ADGRL4: variants seen among roughly 807,000 people sequenced by gnomAD.
ADGRL4 encodes adhesion G protein-coupled receptor L4.
ADGRL4 carries 90 observed loss-of-function variants against 74.8 expected under a neutral mutation model. The observed-to-expected ratio is 1.20, with a 90% CI of 1.02 to 1.43. ADGRL4 has a LOEUF of 1.43. Ranked by LOEUF, ADGRL4 falls within the 40% of genes most tolerant of loss-of-function variation. ADGRL4 has a pLI of 0.00. For synonymous variants in ADGRL4, 311 were observed against 279.2 expected, an observed-to-expected ratio of 1.11 and a Z score of -1.14; for missense variants, 881 against 814.3, an observed-to-expected ratio of 1.08 and a Z score of -1.00.
chr1:78,960,263 T>G (rs1649923194), intron 2 of ADGRL4, among the ~76,000 whole-genome samples: 1 of 152,168 alleles, frequency 6.6e-6, no homozygotes, highest in Admixed American at 6.6e-5. Flanking sequence ...CAAAAACTAG[T>G]CCGATTTTAA....
intron 12 of ADGRL4, among the ~76,000 whole-genome samples, chr1:78,900,452 T>A (rs931300307): frequency 6.6e-5 from 10 of 152,126 alleles, no homozygotes; most frequent in Admixed American, 5.9e-4. Context: ...AATAGAAATC[T>A]AATATAGGGA....
rs1168655175 is a variant in ADGRL4, at chr1:78,939,230, A to G, written c.354T>C (p.Asp118=). The G allele has an allele frequency of 1.5e-5, 23 of 1,568,478 alleles. No individual in the cohort carries two copies. Among genetic ancestry groups the G allele is most frequent in the Non-Finnish European group, 1.9e-5 (22 of 1,159,826 alleles). The change falls in exon 4 of 15, where the codon GAT becomes GAC. Residue 118 remains aspartate, a synonymous_variant. Transcript: ENST00000370742. ...IENVNANCHL[D]NVCIAANINK... Reference sequence around the variant, plus strand: ...TAATATTTGCAGCTATACAGACATTATCTAAATGGCAGTTTGCATTCACAT... The same window carrying G: ...TAATATTTGCAGCTATACAGACATTGTCTAAATGGCAGTTTGCATTCACAT...
At chr1:78,940,125 C>T (rs1376567760) in intron 3 of ADGRL4, among the ~76,000 whole-genome samples, 1 of 151,940 alleles carries the variant, frequency 6.6e-6, no homozygotes, top group African/African-American at 2.4e-5. Flanking sequence ...AACAAAGACC[C>T]AATTTAAGAA....
intron 7 of ADGRL4, among the ~76,000 whole-genome samples, chr1:78,931,805 T>G (rs1649247897): frequency 6.6e-6 from 1 of 151,132 alleles, no homozygotes; most frequent in African/African-American, 2.5e-5. Flanking sequence ...AAACAGACTT[T>G]AAACCAATAA....
chr1:78,932,619 A>AC (rs1187412295), intron 7 of ADGRL4, among the ~76,000 whole-genome samples: 14 of 118,662 alleles, frequency 1.2e-4, no homozygotes, highest in African/African-American at 3.7e-4. Flanking sequence ...CCTCCAAAAA[A>AC]AAAAAAAACA....
chr1:78,911,751 C>T (rs908871029), intron 12 of ADGRL4, among the ~76,000 whole-genome samples: 6 of 151,720 alleles, frequency 4.0e-5, no homozygotes, highest in Admixed American at 3.3e-4. Flanking sequence ...TATAGGAATG[C>T]CATAAGATTA....
At chr1:78,899,836 A>G (rs1187589692) in intron 12 of ADGRL4, among the ~76,000 whole-genome samples, 1 of 152,052 alleles carries the variant, frequency 6.6e-6, no homozygotes, top group Non-Finnish European at 1.5e-5. Context: ...ATCACAGAGT[A>G]TCAGAAAATT....
chr1:78,936,432 TA>T (rs768323493), intron 6 of ADGRL4, 21 bp from the exon 7 acceptor site: 14 of 1,544,324 alleles, frequency 9.1e-6, no homozygotes, highest in South Asian at 2.4e-5. Flanking sequence ...ACCATGAAAA[TA>T]AAAAAAGTGA....
chr1:78,919,159 T>C (rs1347572830), intron 10 of ADGRL4, among the ~76,000 whole-genome samples: 1 of 151,990 alleles, frequency 6.6e-6, no homozygotes, highest in East Asian at 1.9e-4. Context: ...GAAGAATACC[T>C]TGCTAACTGA....
At chr1:78,990,343 C>A (rs1434794737) in intron 2 of ADGRL4, among the ~76,000 whole-genome samples, 1 of 151,778 alleles carries the variant, frequency 6.6e-6, no homozygotes, top group Admixed American at 6.6e-5. Flanking sequence ...ATTATTAAGG[C>A]ATTACTAGTA....
At chr1:78,908,511 A>T (rs1196999489) in intron 12 of ADGRL4, among the ~76,000 whole-genome samples, 1 of 152,004 alleles carries the variant, frequency 6.6e-6, no homozygotes, top group East Asian at 1.9e-4. Flanking sequence ...GTAAAACATC[A>T]TTTTTTATGA....
At chr1:78,945,967 T>C (rs943216139) in intron 3 of ADGRL4, among the ~76,000 whole-genome samples, 1 of 152,142 alleles carries the variant, frequency 6.6e-6, no homozygotes, top group African/African-American at 2.4e-5. Context: ...AGTGTAAACA[T>C]TTATTCTGTT....
At chr1:78,979,713 T>C (rs191669567) in intron 2 of ADGRL4, among the ~76,000 whole-genome samples, 1 of 151,914 alleles carries the variant, frequency 6.6e-6, no homozygotes, top group Non-Finnish European at 1.5e-5. Context: ...GAATACTACT[T>C]AGCCATAAAA....
chr1:78,958,044 C>T (rs1649870019), intron 2 of ADGRL4, among the ~76,000 whole-genome samples: 1 of 152,148 alleles, frequency 6.6e-6, no homozygotes, highest in Non-Finnish European at 1.5e-5. Context: ...GACAGCACAT[C>T]TGTTTACAGC....
At chr1:78,930,764 C>A (rs1407707938) in intron 7 of ADGRL4, among the ~76,000 whole-genome samples, 1 of 151,216 alleles carries the variant, frequency 6.6e-6, no homozygotes, top group Non-Finnish European at 1.5e-5. Context: ...AAGCTGATTT[C>A]TTTTTAGAAG....
intron 2 of ADGRL4, among the ~76,000 whole-genome samples, chr1:78,959,412 G>A (rs1649899052): frequency 6.6e-6 from 1 of 152,170 alleles, no homozygotes; most frequent in Non-Finnish European, 1.5e-5. Context: ...AATTGGTTAT[G>A]ACACCATCAC....
chr1:78,974,703 C>T (rs2100720518), intron 2 of ADGRL4, among the ~76,000 whole-genome samples: 1 of 152,238 alleles, frequency 6.6e-6, no homozygotes, highest in African/African-American at 2.4e-5. Context: ...CTTCTAGAGG[C>T]TGCAAGTGTT....
intron 2 of ADGRL4, among the ~76,000 whole-genome samples, chr1:78,993,945 T>C (rs997772020): frequency 6.6e-6 from 1 of 152,168 alleles, no homozygotes; most frequent in South Asian, 2.1e-4. Context: ...AAAATCATAT[T>C]TGATACATAA....
intron 2 of ADGRL4, among the ~76,000 whole-genome samples, chr1:78,958,892 T>C (rs1649886450): frequency 6.6e-6 from 1 of 152,190 alleles, no homozygotes; most frequent in Admixed American, 6.5e-5. Flanking sequence ...TTTAAGAAAT[T>C]GTTGCAGTTA....
Sources: gnomAD v4.1 joint callset for allele counts (sites outside exome capture counted in the v4.1 genomes callset) on GRCh38, gnomAD v4.1.1 for gene constraint, MANE v1.5 for transcripts, NCBI Gene and HGNC (gene_info 2026-07-23, HGNC 2026-07-21) for gene names.